STIM2: variants seen among roughly 807,000 people sequenced by gnomAD.
STIM2 encodes stromal interaction molecule 2.
STIM2 carries 31 observed loss-of-function variants against 85.8 expected under a neutral mutation model. That is an observed-to-expected ratio of 0.36 (90% confidence interval 0.27 to 0.49). STIM2 has a LOEUF of 0.49. STIM2 is among the 20% of genes least tolerant of loss of function. The pLI is 0.98. For synonymous variants in STIM2, 356 were observed against 331.1 expected (o/e 1.08, Z -0.82); for missense variants, 841 against 927.6 (o/e 0.91, Z 1.21).
chr4:27,012,375 A>T (rs998155040), intron 10 of STIM2, among the ~76,000 whole-genome samples: 7 of 152,038 alleles, frequency 4.6e-5, no homozygotes, highest in African/African-American at 1.7e-4. Context: ...AATCAATTCC[A>T]TTTATCGAGA....
intron 1 of STIM2, among the ~76,000 whole-genome samples, chr4:26,915,122 G>A (rs1218249910): frequency 1.3e-5 from 2 of 152,054 alleles, no homozygotes; most frequent in African/African-American, 4.8e-5. Context: ...TTCCTCATCT[G>A]GAAAATAGAG....
chr4:26,966,954 C>T (rs1726747671), intron 3 of STIM2, among the ~76,000 whole-genome samples: 1 of 152,012 alleles, frequency 6.6e-6, no homozygotes, highest in South Asian at 2.1e-4. Flanking sequence ...TTCTTCTAAC[C>T]CTTGGATAAT....
intron 1 of STIM2, among the ~76,000 whole-genome samples, chr4:26,899,413 G>A (rs1723835124): frequency 6.6e-6 from 1 of 151,892 alleles, no homozygotes; most frequent in Non-Finnish European, 1.5e-5. Context: ...TGTTGGTTTT[G>A]GTATAAGTGT....
intron 3 of STIM2, among the ~76,000 whole-genome samples, chr4:26,987,808 A>G (rs1159850223): frequency 1.3e-5 from 2 of 152,260 alleles, no homozygotes; most frequent in Non-Finnish European, 2.9e-5. Flanking sequence ...TTGCTCATAT[A>G]TAATGTTTAA....
At chr4:26,996,192 TTATATC>T (rs1367491846) in intron 4 of STIM2, among the ~76,000 whole-genome samples, 1 of 152,070 alleles carries the variant, frequency 6.6e-6, no homozygotes, top group Non-Finnish European at 1.5e-5. Context: ...ATTTTCTAAA[TTATATC>T]TAAATTGTAT....
rs970922333 is a variant in STIM2 at position 27,024,740 on chromosome 4, G to C, written c.*1744G>C. ...GAGAGGTAGGGTTGAGGAACACAGG[G>C]TTGAAAGCTGTTGGAGAGGGGAAAA... is the stretch of plus-strand genomic sequence containing the variant. On this transcript the variant is annotated 3_prime_UTR_variant, in exon 12 of 12. Coordinates refer to ENST00000467087, the MANE Select transcript of STIM2 (RefSeq NM_020860.4). The C allele has an allele frequency of 6.6e-5, 10 of 152,252 alleles. No individual in the cohort carries two copies. The highest frequency in any genetic ancestry group is 2.4e-4 in the African/African-American group (10 of 41,458). The allele number at this position is 152,252 out of a possible 1,614,324, so 9.4% of individuals were successfully genotyped here.
intron 3 of STIM2, among the ~76,000 whole-genome samples, chr4:26,961,251 A>G (rs10032186): frequency 0.22 from 34,023 of 152,070 alleles, 4,084 homozygotes; most frequent in East Asian, 0.34. Flanking sequence ...CAAATTGAGC[A>G]AAGATAAAGA....
chr4:26,920,281 G>A (rs1278820325), intron 2 of STIM2, among the ~76,000 whole-genome samples: 1 of 152,172 alleles, frequency 6.6e-6, no homozygotes, highest in Non-Finnish European at 1.5e-5. Context: ...ATTTGGCTAA[G>A]CTCAGAATCT....
At chr4:26,883,694 G>T (rs1268163278) in intron 1 of STIM2, among the ~76,000 whole-genome samples, 1 of 152,114 alleles carries the variant, frequency 6.6e-6, no homozygotes, top group Non-Finnish European at 1.5e-5. Context: ...CTCTTTGAAG[G>T]TTAATTTAAA....
At chr4:26,891,831 G>T (rs923285182) in intron 1 of STIM2, among the ~76,000 whole-genome samples, 1 of 152,154 alleles carries the variant, frequency 6.6e-6, no homozygotes, top group Non-Finnish European at 1.5e-5. Flanking sequence ...AAATTTCACC[G>T]AGGTGGAAGG....
At chr4:26,885,859 A>ATATGTATATATATATATATATATATG (rs1553845027) in intron 1 of STIM2, among the ~76,000 whole-genome samples, 3 of 89,440 alleles carry the variant, frequency 3.4e-5, no homozygotes, top group East Asian at 4.5e-4. Flanking sequence ...ATATATATAT[A>ATATGTATATATATATATATATATATG]TATATATATA....
At chr4:26,908,322 A>G (rs969119737) in intron 1 of STIM2, among the ~76,000 whole-genome samples, 4 of 152,192 alleles carry the variant, frequency 2.6e-5, no homozygotes, top group African/African-American at 9.7e-5. Flanking sequence ...ATTTGGACAG[A>G]CGTGGGCTGA....
chr4:27,018,769 A>G (rs1215823348), intron 11 of STIM2, among the ~76,000 whole-genome samples: 1 of 152,232 alleles, frequency 6.6e-6, no homozygotes, highest in East Asian at 1.9e-4. Context: ...TGTCATGAAC[A>G]ATTTTATATG....
At chr4:26,904,458 T>C (rs1724047403) in intron 1 of STIM2, among the ~76,000 whole-genome samples, 1 of 152,152 alleles carries the variant, frequency 6.6e-6, no homozygotes, top group Non-Finnish European at 1.5e-5. Flanking sequence ...AGAACAAGGC[T>C]ATTGTGCTGT....
At chr4:26,933,668 G>C (rs1725282746) in intron 2 of STIM2, among the ~76,000 whole-genome samples, 1 of 147,386 alleles carries the variant, frequency 6.8e-6, no homozygotes, top group Non-Finnish European at 1.5e-5. Context: ...AGGAGGCTAA[G>C]GTAGGAAGAT....
At chr4:26,909,142 C>T (rs968506219) in intron 1 of STIM2, among the ~76,000 whole-genome samples, 1 of 152,144 alleles carries the variant, frequency 6.6e-6, no homozygotes, top group Non-Finnish European at 1.5e-5. Context: ...AAAAGCTAGA[C>T]TTAGATTTCA....
chr4:26,880,245 C>T (rs1722954752), intron 1 of STIM2, among the ~76,000 whole-genome samples: 1 of 152,198 alleles, frequency 6.6e-6, no homozygotes, highest in South Asian at 2.1e-4. Flanking sequence ...TGAGGTTTCC[C>T]ACATCTTGAT....
intron 3 of STIM2, among the ~76,000 whole-genome samples, chr4:26,985,305 A>G (rs998168075): frequency 2.6e-5 from 4 of 152,190 alleles, no homozygotes; most frequent in African/African-American, 9.6e-5. Context: ...AAATCCCTGC[A>G]ATACTGAACC....
Position 27,024,586 on chromosome 4 carries a change from A to G in STIM2, c.*1590A>G, listed in dbSNP as rs1049289750. ...CCTATAAATTGTGATTGTTTATTCTATTACTATTGTTAAAAACTTGAATGG... is the reference window on the plus strand; with the variant it reads ...CCTATAAATTGTGATTGTTTATTCTGTTACTATTGTTAAAAACTTGAATGG... On this transcript the variant is annotated 3_prime_UTR_variant, in exon 12 of 12. Transcript: ENST00000467087. 7.9e-5 allele frequency: 12 copies of G among 152,232 alleles called. No individual in the cohort carries two copies. The highest frequency in any genetic ancestry group is 7.2e-4 in the Admixed American group (11 of 15,290). 9.4% of individuals were successfully genotyped at this position (152,232 alleles called of 1,614,324 possible).
Sources: gnomAD v4.1 joint callset for allele counts (sites outside exome capture counted in the v4.1 genomes callset) on GRCh38, gnomAD v4.1.1 for gene constraint, MANE v1.5 for transcripts, NCBI Gene and HGNC (gene_info 2026-07-23, HGNC 2026-07-21) for gene names.